WDR7: variants seen among roughly 807,000 people sequenced by gnomAD.
WDR7 encodes WD repeat-containing protein 7.
In WDR7, 46 loss-of-function variants were observed where a neutral mutation model predicts 169.4. The observed-to-expected ratio is 0.27, with a 90% confidence interval of 0.21 to 0.35. The LOEUF is 0.35. Among genes scored for constraint, WDR7 ranks in the 10% least tolerant of loss-of-function variants. WDR7 has a pLI of 1.00. For synonymous variants in WDR7, 612 were observed against 666.8 expected (o/e 0.92, Z 1.27); for missense variants, 1,534 against 1,859.3 (o/e 0.83, Z 3.22).
chr18:56,991,142 C>CTTTTTTT (rs1599225543), intron 26 of WDR7, among the ~76,000 whole-genome samples: 7 of 74,028 alleles, frequency 9.5e-5, no homozygotes, highest in African/African-American at 2.2e-4. Context: ...ACCTTCTCCT[C>CTTTTTTT]ATTTTTTTTT....
chr18:56,882,261 G>C (rs772334624), intron 21 of WDR7, among the ~76,000 whole-genome samples: 2 of 152,220 alleles, frequency 1.3e-5, no homozygotes, highest in Non-Finnish European at 2.9e-5. Context: ...ATGTAGAGCA[G>C]GTCCTTATTT....
chr18:56,736,421 T>A (rs999322505), intron 14 of WDR7, among the ~76,000 whole-genome samples: 1 of 151,986 alleles, frequency 6.6e-6, no homozygotes, highest in African/African-American at 2.4e-5. Context: ...TAAGAAATTC[T>A]TTTTAAGCCA....
At chr18:56,826,732 T>C (rs2045211432) in intron 20 of WDR7, among the ~76,000 whole-genome samples, 1 of 152,206 alleles carries the variant, frequency 6.6e-6, no homozygotes, top group Non-Finnish European at 1.5e-5. Flanking sequence ...AAATCCAGTG[T>C]GAAAGGATTC....
intron 12 of WDR7, among the ~76,000 whole-genome samples, chr18:56,701,916 A>G (rs2025842531): frequency 6.6e-6 from 1 of 152,216 alleles, no homozygotes; most frequent in Admixed American, 6.5e-5. Context: ...ATGCTTCAGA[A>G]CTATAGAATA....
intron 1 of WDR7, among the ~76,000 whole-genome samples, chr18:56,654,017 C>T (rs1156727426): frequency 6.6e-6 from 1 of 152,222 alleles, no homozygotes; most frequent in Non-Finnish European, 1.5e-5. Context: ...TGTTTCCCCA[C>T]AAATGCTTGG....
chr18:56,820,435 C>T (rs1362188736), intron 20 of WDR7, among the ~76,000 whole-genome samples: 2 of 147,432 alleles, frequency 1.4e-5, no homozygotes, highest in African/African-American at 5.0e-5. Flanking sequence ...ACGTGGATCC[C>T]AATGGGTGGG....
intron 20 of WDR7, among the ~76,000 whole-genome samples, chr18:56,822,262 T>C (rs1221110115): frequency 6.6e-6 from 1 of 152,228 alleles, no homozygotes; most frequent in East Asian, 1.9e-4. Context: ...TGTCAGTTTA[T>C]TACATACGTG....
intron 26 of WDR7, among the ~76,000 whole-genome samples, chr18:56,972,210 A>T (rs969440377): frequency 5.9e-5 from 9 of 152,216 alleles, no homozygotes; most frequent in Admixed American, 3.3e-4. Flanking sequence ...TCTAAACAGA[A>T]ATGTCAGCAA....
intron 17 of WDR7, 148 bp from the exon 18 acceptor site, chr18:56,779,283 C>G (rs2044283787): frequency 3.9e-6 from 2 of 511,608 alleles, no homozygotes; most frequent in Non-Finnish European, 6.8e-6. Context: ...ATTCTTTGCA[C>G]AAAGTGTCTA....
chr18:56,695,956 A>T (rs1171122555), intron 11 of WDR7, among the ~76,000 whole-genome samples: 2 of 152,212 alleles, frequency 1.3e-5, no homozygotes, highest in Non-Finnish European at 2.9e-5. Context: ...ATCAATATGA[A>T]GATTGTTGAT....
rs367829733 is a variant in WDR7 at position 56,779,527 on chromosome 18, G to A, written c.3044G>A (p.Arg1015Lys). ...RPPLLEMLAR[R>K]WQDRCLEVRE... ...CCCCTTCTGGAGATGCTGGCCCGAA[G>A]ATGGCAAGATCGATGCTTGGAGGTA... Residue 1015 changes from arginine to lysine, a missense_variant, in exon 18 of 28, where the codon AGA (arginine) becomes AAA (lysine). Physicochemically the swap from Arg to Lys is conservative, Grantham distance 26. Coordinates refer to ENST00000254442, the MANE Select transcript of WDR7 (RefSeq NM_015285.3). 18 of 1,613,768 alleles carry A rather than the reference G, an allele frequency of 1.1e-5. No homozygotes were observed. Among genetic ancestry groups the A allele is most frequent in the Middle Eastern group, 1.6e-4 (1 of 6,084 alleles).
chr18:56,891,350 G>A (rs1014962593), intron 21 of WDR7, among the ~76,000 whole-genome samples: 2 of 152,114 alleles, frequency 1.3e-5, no homozygotes, highest in East Asian at 3.9e-4. Context: ...TGAATACTTT[G>A]TGGCTCGATT....
chr18:56,731,082 G>A (rs948014265), intron 13 of WDR7, among the ~76,000 whole-genome samples: 3 of 152,158 alleles, frequency 2.0e-5, no homozygotes, highest in Admixed American at 6.5e-5. Flanking sequence ...GACAGGAGTA[G>A]TCAAGAAAAC....
intron 12 of WDR7, among the ~76,000 whole-genome samples, chr18:56,708,150 C>T (rs1181845947): frequency 6.6e-6 from 1 of 151,520 alleles, no homozygotes; most frequent in Non-Finnish European, 1.5e-5. Flanking sequence ...TCTTGTGCCT[C>T]AGCCTCCTGA....
intron 19 of WDR7, 122 bp from the exon 20 acceptor site, chr18:56,815,909 A>G (rs1333916956): frequency 1.3e-6 from 1 of 744,634 alleles, no homozygotes; most frequent in African/African-American, 1.8e-5. Flanking sequence ...ATTTTGGTGA[A>G]CATATATATT....
At chr18:56,744,094 C>A (rs2144868824) in intron 14 of WDR7, among the ~76,000 whole-genome samples, 1 of 152,048 alleles carries the variant, frequency 6.6e-6, no homozygotes, top group Non-Finnish European at 1.5e-5. Context: ...AAAAAGTTAG[C>A]TGGGCGTAGT....
chr18:56,811,625 G>A (rs781753131), intron 19 of WDR7, among the ~76,000 whole-genome samples: 8 of 152,032 alleles, frequency 5.3e-5, no homozygotes, highest in Non-Finnish European at 1.2e-4. Context: ...TTAGATTTCA[G>A]TCCATGATCT....
At chr18:56,679,483 A>G in intron 3 of WDR7, 45 bp downstream of exon 3, 1 of 1,451,170 alleles carries the variant, frequency 6.9e-7, no homozygotes, top group Non-Finnish European at 9.6e-7. Context: ...AGTCTTTATA[A>G]CTAGCACCAA....
At position 56,673,160 on chromosome 18, in the gene WDR7, GACAC is replaced by G. The variant is rs36051303; in HGVS notation, c.159+509_159+512del. 1.9e-4 allele frequency among the ~76,000 whole-genome samples: 28 copies of G among 147,024 alleles called. 1 individual carries two copies. The highest frequency in any genetic ancestry group is 6.2e-4 in the African/African-American group (25 of 40,366). The stretch of plus-strand genomic sequence containing the variant: ...CAGAGCTAGGGAAATAGGAGCTGGG[GACAC>G]ACACACACACACACACACACACGTT... On this transcript the variant is annotated intron_variant, in intron 2 of 27. Transcript: ENST00000254442.
Sources: allele counts gnomAD v4.1 joint callset (sites outside exome capture counted in the v4.1 genomes callset), GRCh38; gene constraint gnomAD v4.1.1; transcripts MANE v1.5; gene names NCBI Gene and HGNC (gene_info 2026-07-23, HGNC 2026-07-21).